AMBRA1: variants seen among roughly 807,000 people sequenced by gnomAD.
The protein encoded by AMBRA1 is autophagy and beclin 1 regulator 1.
In AMBRA1, 47 loss-of-function variants were observed where a neutral mutation model predicts 125.4. The ratio of observed to expected loss-of-function variants is 0.37; its 90% CI spans 0.30 to 0.48. AMBRA1 has a LOEUF of 0.48. Ranked by LOEUF, AMBRA1 falls within the 20% of genes least tolerant of loss-of-function variation. AMBRA1 has a pLI of 0.99. For missense variants in AMBRA1, 1,331 were observed against 1,693.4 expected (o/e 0.79, Z 3.76); for synonymous variants, 626 against 655.5 (o/e 0.95, Z 0.69).
chr11:46,553,008 C>T (rs974811903), intron 1 of AMBRA1, among the ~76,000 whole-genome samples: 1 of 151,860 alleles, frequency 6.6e-6, no homozygotes, highest in Non-Finnish European at 1.5e-5. Context: ...TGCAGTGGGG[C>T]GATCTCGGCT....
At chr11:46,559,694 G>A (rs539188069) in intron 1 of AMBRA1, among the ~76,000 whole-genome samples, 3 of 152,112 alleles carry the variant, frequency 2.0e-5, no homozygotes, top group Non-Finnish European at 4.4e-5. Context: ...TATCAGTCAA[G>A]TTTATAACAA....
At chr11:46,552,267 G>A (rs950610343) in intron 1 of AMBRA1, among the ~76,000 whole-genome samples, 16 of 146,176 alleles carry the variant, frequency 1.1e-4, no homozygotes, top group African/African-American at 3.8e-4. Flanking sequence ...TACTTGGGAG[G>A]CTGAGGCACG....
chr11:46,505,856 G>A (rs1427344988), intron 9 of AMBRA1, among the ~76,000 whole-genome samples: 4 of 152,112 alleles, frequency 2.6e-5, no homozygotes, highest in African/African-American at 7.2e-5. Context: ...GACAAGTCAC[G>A]AGGCAAGATA....
chr11:46,535,342 A>G (rs994967693), intron 7 of AMBRA1, among the ~76,000 whole-genome samples: 5 of 152,202 alleles, frequency 3.3e-5, no homozygotes, highest in South Asian at 2.1e-4. Context: ...GCTAACTAAC[A>G]TAAGGATTCT....
chr11:46,448,798 A>C (rs983899398), intron 11 of AMBRA1, among the ~76,000 whole-genome samples: 11 of 152,202 alleles, frequency 7.2e-5, no homozygotes, highest in African/African-American at 2.7e-4. Flanking sequence ...AAGGACAATA[A>C]GGGAATACTA....
intron 7 of AMBRA1, among the ~76,000 whole-genome samples, chr11:46,523,297 CCT>C (rs1185746169): frequency 6.6e-6 from 1 of 152,176 alleles, no homozygotes; most frequent in African/African-American, 2.4e-5. Context: ...CAGCAACCAC[CCT>C]GATTCCTTTT....
At position 46,423,427 on chromosome 11, in the gene AMBRA1, T is replaced by C. The variant is rs1340947181; in HGVS notation, c.2977-5375A>G. Among the ~76,000 whole-genome samples the C allele has an allele frequency of 2.0e-5, 3 of 152,290 alleles. No homozygotes were observed. The South Asian group carries it at 6.2e-4, about 32-fold the overall frequency. On this transcript the variant is annotated intron_variant, in intron 14 of 17. Coordinates refer to ENST00000683756, the MANE Select transcript of AMBRA1 (RefSeq NM_001387011.1). ...TCTTTTTTGACATGGAGTCTCGCTC[T>C]GTCACCCAGGCTGGAGTGCAGTGGT...
In AMBRA1 at chr11:46,501,581, A is replaced by T. The variant is rs1227529889; in HGVS notation, c.2339+6610T>A. Among the ~76,000 whole-genome samples the T allele has an allele frequency of 2.0e-5, 3 of 152,364 alleles. No individual in the cohort carries two copies. In the East Asian group the frequency reaches 5.8e-4, roughly 29 times the overall value. ...AGTACTAAGTCTCAGGGCACTGACC[A>T]TATTTGTTCCTGTTTATGTTTTAAC... On this transcript the variant is annotated intron_variant, in intron 9 of 17. Coordinates refer to ENST00000683756, the MANE Select transcript of AMBRA1 (RefSeq NM_001387011.1).
At chr11:46,418,879 G>A (rs1234065761) in intron 14 of AMBRA1, among the ~76,000 whole-genome samples, 2 of 152,010 alleles carry the variant, frequency 1.3e-5, no homozygotes, top group Non-Finnish European at 2.9e-5. Flanking sequence ...AGGACGGACT[G>A]CCCATAACTT....
chr11:46,515,882 G>A (rs1951459617), intron 7 of AMBRA1, among the ~76,000 whole-genome samples: 1 of 152,160 alleles, frequency 6.6e-6, no homozygotes, highest in Non-Finnish European at 1.5e-5. Context: ...CACCATGTTG[G>A]TCAGGCTGGT....
In AMBRA1 at chr11:46,419,930, C is replaced by A. The variant is rs532362698; in HGVS notation, c.2977-1878G>T. ...AACACATGTTCATGTGCCTTGGGTA[C>A]GTATCTGAAAGGCCTCTGACAGGAC... On this transcript the variant is annotated intron_variant, in intron 14 of 17. Coordinates refer to ENST00000683756, the MANE Select transcript of AMBRA1 (RefSeq NM_001387011.1). Among the ~76,000 whole-genome samples, 4 of 147,898 alleles carry A rather than the reference C, an allele frequency of 2.7e-5. No homozygotes were observed. In the East Asian group the frequency reaches 8.1e-4, roughly 30 times the overall value.
At chr11:46,398,994 G>A (rs186560013) in intron 17 of AMBRA1, among the ~76,000 whole-genome samples, 48 of 150,712 alleles carry the variant, frequency 3.2e-4, no homozygotes, top group African/African-American at 1.0e-3. Flanking sequence ...GGCTGGTTTC[G>A]AGCTCCTGAC....
At chr11:46,573,170 T>G (rs150603729) in intron 1 of AMBRA1, among the ~76,000 whole-genome samples, 1 of 150,738 alleles carries the variant, frequency 6.6e-6, no homozygotes, top group East Asian at 2.0e-4. Context: ...TTTGGGAGAC[T>G]GAGGTGGGCT....
chr11:46,580,536 C>G (rs139136938), intron 1 of AMBRA1, among the ~76,000 whole-genome samples: 4 of 152,310 alleles, frequency 2.6e-5, no homozygotes, highest in African/African-American at 4.8e-5. Flanking sequence ...TTCATCTACC[C>G]AGATGCTCAG....
At chr11:46,548,148 G>A in intron 2 of AMBRA1, 98 bp downstream of exon 2, 1 of 1,532,088 alleles carries the variant, frequency 6.5e-7, no homozygotes, top group Non-Finnish European at 8.9e-7. Context: ...TCCCACACAA[G>A]ATAAATATAT....
intron 14 of AMBRA1, among the ~76,000 whole-genome samples, chr11:46,427,487 C>T (rs1480981324): frequency 6.6e-6 from 1 of 152,214 alleles, no homozygotes; most frequent in African/African-American, 2.4e-5. Context: ...GATGGAATCG[C>T]CCTACAGCCC....
intron 1 of AMBRA1, among the ~76,000 whole-genome samples, chr11:46,579,673 ACTGT>A (rs1004408373): frequency 8.5e-5 from 13 of 152,278 alleles, no homozygotes; most frequent in Admixed American, 8.5e-4. Flanking sequence ...CACGGATCTT[ACTGT>A]CTTAGAGTAT....
intron 1 of AMBRA1, among the ~76,000 whole-genome samples, chr11:46,581,797 CAA>C (rs1162857231): frequency 0.019 from 1,311 of 69,936 alleles, 19 homozygotes; most frequent in African/African-American, 0.051. Flanking sequence ...AAAACTCCAT[CAA>C]AAAAAAAAAA....
At chr11:46,564,199 G>A (rs2043440672) in intron 1 of AMBRA1, among the ~76,000 whole-genome samples, 1 of 142,262 alleles carries the variant, frequency 7.0e-6, no homozygotes, top group Non-Finnish European at 1.5e-5. Flanking sequence ...TTAAGTACAT[G>A]GCAGAAAAAT....
Sources: gnomAD v4.1 joint callset for allele counts (sites outside exome capture counted in the v4.1 genomes callset) on GRCh38, gnomAD v4.1.1 for gene constraint, MANE v1.5 for transcripts, NCBI Gene and HGNC (gene_info 2026-07-23, HGNC 2026-07-21) for gene names.